The following TNFRSF8 variants were observed in gnomAD, a reference collection of about 807,000 sequenced individuals.
TNFRSF8 encodes the protein TNF receptor superfamily member 8.
A neutral mutation model predicts 70.8 loss-of-function variants in TNFRSF8; 26 were observed. That is an observed-to-expected ratio of 0.37 (90% CI 0.27 to 0.51). TNFRSF8 has a LOEUF of 0.51. Ranked by LOEUF, TNFRSF8 falls within the 20% of genes least tolerant of loss-of-function variation. The probability of loss-of-function intolerance (pLI) is 0.94; values close to 1 mark genes in which losing one functional copy is unlikely to be tolerated. For missense variants in TNFRSF8, 720 were observed against 807.9 expected (o/e 0.89, Z 1.32); for synonymous variants, 356 against 339.2 (o/e 1.05, Z -0.54).
chr1:12,092,608 C>T (rs1379762031), intron 2 of TNFRSF8, among the ~76,000 whole-genome samples: 1 of 149,028 alleles, frequency 6.7e-6, no homozygotes, highest in South Asian at 2.1e-4. Flanking sequence ...CCCGGGTTCA[C>T]GCCATTCTCC....
At chr1:12,123,628 G>A (rs777472398) in intron 9 of TNFRSF8, 87 bp from the exon 10 acceptor site, 26 of 1,192,854 alleles carry the variant, frequency 2.2e-5, no homozygotes, top group East Asian at 1.8e-4. Context: ...CTCTGGTTGC[G>A]CAGTCTCCAG....
At chr1:12,107,485 T>C (rs1641545692) in intron 4 of TNFRSF8, among the ~76,000 whole-genome samples, 1 of 152,162 alleles carries the variant, frequency 6.6e-6, no homozygotes, top group Admixed American at 6.5e-5. Context: ...TTTCGAAAAC[T>C]TAGTATAAAC....
chr1:12,069,694 G>T (rs1210409045), intron 1 of TNFRSF8, among the ~76,000 whole-genome samples: 1 of 152,172 alleles, frequency 6.6e-6, no homozygotes. Context: ...CCTTCTGCAT[G>T]CCAGGAAGCA....
rs375414473 is a variant in TNFRSF8 at position 12,137,559 on chromosome 1, T to G, written c.1336-670T>G. On this transcript the variant is annotated intron_variant, in intron 13 of 14. Coordinates refer to ENST00000263932, the MANE Select transcript of TNFRSF8 (RefSeq NM_001243.5). ...ATAGCTGTTTTTTTGTTTTTTTTTG[T>G]TTTTTTTTTGTTTTTTTTTTAGCAT... 5.0e-3 allele frequency among the ~76,000 whole-genome samples: 618 copies of G among 123,040 alleles called. 1 individual carries two copies. The highest frequency in any genetic ancestry group is 0.011 in the African/African-American group (339 of 32,046). The allele number at this position is 123,040 out of a possible 152,430, so 80.7% of individuals were successfully genotyped here.
At position 12,088,535 on chromosome 1, in the gene TNFRSF8, A is replaced by C. The variant is rs1169739655; in HGVS notation, c.151+3984A>C. Among the ~76,000 whole-genome samples, 1 of 152,080 alleles carries C rather than the reference A, an allele frequency of 6.6e-6. No individual in the cohort carries two copies. The highest frequency in any genetic ancestry group is 1.5e-5 in the Non-Finnish European group (1 of 68,020). On this transcript the variant is annotated intron_variant, in intron 2 of 14. Transcript: ENST00000263932. The surrounding 1 kb of genome is among the most constrained non-coding windows in gnomAD (Gnocchi z 4.0). Reference sequence around the variant, plus strand: ...GAGGCAGAAGAGTTTACGAGTGAAGAGCTAATGCGGGGGCTACAAAGCCCT... The same window carrying C: ...GAGGCAGAAGAGTTTACGAGTGAAGCGCTAATGCGGGGGCTACAAAGCCCT...
In TNFRSF8 at chr1:12,125,953, C is replaced by T. The variant is rs1375660024; in HGVS notation, c.1156C>T (p.Pro386Ser). 1 of 1,613,868 alleles carries T rather than the reference C, an allele frequency of 6.2e-7. No homozygotes were observed. Residue 386 changes from proline to serine, a missense_variant and splice_region_variant, in exon 11 of 15, where the codon CCA (proline) becomes TCA (serine). By Grantham distance (74) the Pro-to-Ser change is moderately conservative. Coordinates refer to ENST00000263932, the MANE Select transcript of TNFRSF8 (RefSeq NM_001243.5). Reference sequence around the variant, plus strand: ...TGTGGGGCGTCTCTGTGTTCCAGGGCCAGTGCTCTTCTGGGTGATCCTGGT... The same window carrying T: ...TGTGGGGCGTCTCTGTGTTCCAGGGTCAGTGCTCTTCTGGGTGATCCTGGT... ...STGKPVLDAG[P>S]VLFWVILVLV...
intron 1 of TNFRSF8, among the ~76,000 whole-genome samples, chr1:12,072,925 T>C (rs1047794591): frequency 5.3e-5 from 8 of 152,114 alleles, no homozygotes; most frequent in African/African-American, 1.4e-4. Flanking sequence ...TTCCTCTCTC[T>C]CCAAACGGTC....
In TNFRSF8 at chr1:12,109,436, C is replaced by CGGAAA; in HGVS notation, c.422-130_422-129insGGAAA. On this transcript the variant is annotated intron_variant, in intron 4 of 14. Coordinates refer to ENST00000263932, the MANE Select transcript of TNFRSF8 (RefSeq NM_001243.5). This position sits in a 1 kb window ranked among gnomAD's most constrained non-coding sequence, Gnocchi z 4.4. ...AGGGGAACGGGTGCCAGGCGGGTGC[C>CGGAAA]ACCTCCAGATGACTGCTGTGTTTTC... The CGGAAA allele has an allele frequency of 1.5e-6, 1 of 675,474 alleles. No homozygotes were observed. The highest frequency in any genetic ancestry group is 2.8e-5 in the Admixed American group (1 of 36,096). The allele number at this position is 675,474 out of a possible 1,614,324, so 41.8% of individuals were successfully genotyped here. A position where few individuals can be genotyped will look rare whatever the true frequency, so the allele number is the denominator to read the frequency against.
chr1:12,068,917 G>C (rs919726074), intron 1 of TNFRSF8, among the ~76,000 whole-genome samples: 1 of 151,596 alleles, frequency 6.6e-6, no homozygotes, highest in African/African-American at 2.4e-5. Context: ...TGTCACCCAG[G>C]CTGGAGTGTA....
intron 10 of TNFRSF8, 145 bp from the exon 11 acceptor site, chr1:12,125,806 G>T (rs1256002874): frequency 1.4e-6 from 1 of 739,018 alleles, no homozygotes; most frequent in Non-Finnish European, 2.5e-6. Context: ...GGCTGGATGA[G>T]ATAAGAGCCT....
At chr1:12,116,435 GT>G (rs562904243) in intron 8 of TNFRSF8, among the ~76,000 whole-genome samples, 1 of 152,048 alleles carries the variant, frequency 6.6e-6, no homozygotes, top group East Asian at 1.9e-4. Context: ...GTTGTTTTTT[GT>G]TTTTTAAGGG....
chr1:12,076,113 T>C (rs1477075622), intron 1 of TNFRSF8, among the ~76,000 whole-genome samples: 34 of 150,606 alleles, frequency 2.3e-4, no homozygotes, highest in Middle Eastern at 3.4e-3. Context: ...CTTTTTTTTT[T>C]TTTTGAGATG....
chr1:12,069,660 C>A (rs1225641628), intron 1 of TNFRSF8, among the ~76,000 whole-genome samples: 9 of 152,234 alleles, frequency 5.9e-5, no homozygotes, highest in Non-Finnish European at 1.3e-4. Flanking sequence ...TCAATTCATT[C>A]ATTCCACAAA....
chr1:12,115,396 T>A (rs1349545735), intron 7 of TNFRSF8, among the ~76,000 whole-genome samples, 181 bp from the exon 8 acceptor site: 4 of 152,190 alleles, frequency 2.6e-5, no homozygotes, highest in African/African-American at 9.7e-5. Flanking sequence ...CTGCCTTCTT[T>A]CACCCTGCAG....
chr1:12,100,389 TAATA>T (rs1435706007), intron 3 of TNFRSF8, among the ~76,000 whole-genome samples: 1 of 152,110 alleles, frequency 6.6e-6, no homozygotes, highest in Non-Finnish European at 1.5e-5. Flanking sequence ...CTTTCTTCAA[TAATA>T]AATTAAACAA....
Position 12,142,679 on chromosome 1 carries a change from G to C in TNFRSF8, c.*148G>C, listed in dbSNP as rs1312794009. ...GTGGTGGACCGGCCGGTCACTGCAG[G>C]GGTCTGGTGGTCTCTGCTTGCATCC... On this transcript the variant is annotated 3_prime_UTR_variant, in exon 15 of 15. Transcript: ENST00000263932. This position sits in a 1 kb window ranked among gnomAD's most constrained non-coding sequence, Gnocchi z 5.0. 1.8e-6 allele frequency: 2 copies of C among 1,094,184 alleles called. No homozygotes were observed. Among genetic ancestry groups the C allele is most frequent in the Middle Eastern group, 3.1e-4 (1 of 3,230 alleles). 67.8% of individuals were successfully genotyped at this position (1,094,184 alleles called of 1,614,324 possible).
At chr1:12,114,293 A>G (rs952059186) in intron 7 of TNFRSF8, among the ~76,000 whole-genome samples, 2 of 152,226 alleles carry the variant, frequency 1.3e-5, no homozygotes, top group East Asian at 3.8e-4. Context: ...TAATCTGGGT[A>G]GAGTGCTGAG....
chr1:12,068,677 G>A (rs1188120803), intron 1 of TNFRSF8, among the ~76,000 whole-genome samples: 1 of 152,110 alleles, frequency 6.6e-6, no homozygotes, highest in Non-Finnish European at 1.5e-5. Context: ...AAGTATTCAT[G>A]CATGCATGCA....
chr1:12,079,007 G>A lies in TNFRSF8; in HGVS notation c.64-5457G>A, dbSNP rs183524172. Among the ~76,000 whole-genome samples the A allele has an allele frequency of 3.7e-4, 57 of 152,312 alleles. 1 individual carries two copies. Among genetic ancestry groups the A allele is most frequent in the African/African-American group, 1.3e-3 (56 of 41,566 alleles). On this transcript the variant is annotated intron_variant, in intron 1 of 14. Transcript: ENST00000263932. The stretch of plus-strand genomic sequence containing the variant: ...ACCTTGAATAACAGAGCGCACAGCG[G>A]TGGAGATCCCCAGGAGACAGGGAGG...
Sources: gnomAD v4.1 joint callset for allele counts (sites outside exome capture counted in the v4.1 genomes callset) on GRCh38, gnomAD v4.1.1 for gene constraint, Gnocchi (gnomAD v3.1) non-coding constraint, MANE v1.5 for transcripts, NCBI Gene and HGNC (gene_info 2026-07-23, HGNC 2026-07-21) for gene names.